The following MS4A5 variants were observed in gnomAD, a reference collection of about 807,000 sequenced individuals.
MS4A5 encodes the protein membrane-spanning 4-domains subfamily A member 5.
A neutral mutation model predicts 18.2 loss-of-function variants in MS4A5; 15 were observed. The ratio of observed to expected loss-of-function variants is 0.83; its 90% CI spans 0.55 to 1.27. The LOEUF (loss-of-function observed/expected upper bound fraction) is 1.27, where lower values mean the gene tolerates loss of function less well. Among genes scored for constraint, MS4A5 ranks in the 50% most tolerant of loss-of-function variants. MS4A5 has a pLI of 0.00. For synonymous variants in MS4A5, 89 were observed against 78.7 expected (o/e 1.13, Z -0.69); for missense variants, 232 against 225.7 (o/e 1.03, Z -0.18).
At chr11:60,445,069 T>G (rs1365284206) in intron 4 of MS4A5, among the ~76,000 whole-genome samples, 2 of 151,946 alleles carry the variant, frequency 1.3e-5, no homozygotes, top group East Asian at 3.8e-4. Flanking sequence ...GAATTTCAAT[T>G]TATTATACCG....
At chr11:60,430,154 T>C (rs1022840958) in intron 1 of MS4A5, among the ~76,000 whole-genome samples, 13 of 152,218 alleles carry the variant, frequency 8.5e-5, no homozygotes, top group African/African-American at 2.7e-4. Flanking sequence ...TTGTATATTG[T>C]ATACCTTCCA....
intron 2 of MS4A5, among the ~76,000 whole-genome samples, chr11:60,431,995 A>G (rs575503825): frequency 6.5e-5 from 9 of 137,698 alleles, no homozygotes; most frequent in African/African-American, 2.4e-4. Flanking sequence ...AACTACCAGC[A>G]CATTCACTGC....
At chr11:60,432,170 G>A (rs12270075) in intron 2 of MS4A5, among the ~76,000 whole-genome samples, 49,298 of 151,934 alleles carry the variant, frequency 0.32, 8,443 homozygotes, top group Middle Eastern at 0.51. Flanking sequence ...AGCCCTGTAC[G>A]GTTAAAAAAA....
intron 1 of MS4A5, among the ~76,000 whole-genome samples, chr11:60,430,253 G>T (rs1319054394): frequency 1.2e-5 from 1 of 84,650 alleles, no homozygotes; most frequent in African/African-American, 3.4e-5. Context: ...GCTCAGAGAG[G>T]GAGAGAAAAA....
At chr11:60,442,672 A>G (rs1056388297) in intron 4 of MS4A5, among the ~76,000 whole-genome samples, 1 of 152,208 alleles carries the variant, frequency 6.6e-6, no homozygotes, top group African/African-American at 2.4e-5. Flanking sequence ...AAAAAAGAAT[A>G]CAATATACTG....
intron 2 of MS4A5, among the ~76,000 whole-genome samples, chr11:60,431,921 T>G (rs1379103620): frequency 6.6e-6 from 1 of 152,138 alleles, no homozygotes; most frequent in Non-Finnish European, 1.5e-5. Flanking sequence ...GATTTGAAAT[T>G]TCCACTAGAC....
Position 60,429,959 on chromosome 11 carries a change from G to C in MS4A5, c.153+132G>C, listed in dbSNP as rs184645360. The stretch of plus-strand genomic sequence containing the variant: ...TAAGACAATGTGAATATAGAGTGTT[G>C]GTGGGCCATTTGAGAGAGGATGTTT... On this transcript the variant is annotated intron_variant, in intron 1 of 4. Transcript: ENST00000300190. 191 of 857,692 alleles carry C rather than the reference G, an allele frequency of 2.2e-4. No individual in the cohort carries two copies. The African/African-American group carries it at 3.1e-3, about 14-fold the overall frequency. 53.1% of individuals were successfully genotyped at this position (857,692 alleles called of 1,614,324 possible).
intron 4 of MS4A5, among the ~76,000 whole-genome samples, chr11:60,440,557 A>G (rs1220423629): frequency 5.6e-5 from 8 of 142,316 alleles, no homozygotes; most frequent in African/African-American, 1.0e-4. Context: ...TAGAATCTAC[A>G]ATGAACTCAA....
chr11:60,442,491 G>C (rs890528546), intron 4 of MS4A5, among the ~76,000 whole-genome samples: 15 of 152,198 alleles, frequency 9.9e-5, no homozygotes, highest in African/African-American at 1.7e-4. Flanking sequence ...GGCCTGTTGG[G>C]GGGTAGTGGG....
intron 2 of MS4A5, among the ~76,000 whole-genome samples, chr11:60,431,159 T>C (rs1362690129): frequency 2.0e-5 from 3 of 152,250 alleles, no homozygotes; most frequent in Non-Finnish European, 4.4e-5. Flanking sequence ...TATTTGGCTA[T>C]TCATTCATTT....
rs765268688 is a variant in MS4A5 at position 60,430,876 on chromosome 11, G to T, written c.234G>T (p.Arg78Ser). 2 of 1,613,118 alleles carry T rather than the reference G, an allele frequency of 1.2e-6. No homozygotes were observed. Among genetic ancestry groups the T allele is most frequent in the African/African-American group, 1.3e-5 (1 of 74,844 alleles). ...TCACCTTGTTAAAACCATATCCAAGGTTTCCCTTTATATTTCTTTCAGGAT... is the reference window on the plus strand; with the variant it reads ...TCACCTTGTTAAAACCATATCCAAGTTTTCCCTTTATATTTCTTTCAGGAT... ...FLFTLLKPYP[R>S]FPFIFLSGYP... The change falls in exon 2 of 5, where the codon AGG (arginine) becomes AGT (serine). Residue 78 changes from arginine (R) to serine (S), a missense_variant. Transcript: ENST00000300190.
intron 4 of MS4A5, among the ~76,000 whole-genome samples, chr11:60,447,037 C>T (rs756219181): frequency 1.7e-4 from 26 of 152,004 alleles, no homozygotes; most frequent in Non-Finnish European, 3.2e-4. Context: ...CTATGCTATG[C>T]TATGCTATGC....
chr11:60,443,583 G>A (rs983110258), intron 4 of MS4A5, among the ~76,000 whole-genome samples: 12 of 151,484 alleles, frequency 7.9e-5, no homozygotes, highest in African/African-American at 2.9e-4. Context: ...TAAATTTAAA[G>A]AAAATGAAAG....
rs531966141 is a variant in MS4A5, at chr11:60,438,025, A to G, written c.492+4108A>G. Among the ~76,000 whole-genome samples, 9 of 152,300 alleles carry G rather than the reference A, an allele frequency of 5.9e-5. No individual in the cohort carries two copies. The South Asian group carries it at 1.9e-3, about 32-fold the overall frequency. ...CAAAATTGACCACATATTGGGAAGT[A>G]AAGCTCTCCTCAGCAAATGTAAAAG... On this transcript the variant is annotated intron_variant, in intron 4 of 4. Coordinates refer to ENST00000300190, the MANE Select transcript of MS4A5 (RefSeq NM_023945.3).
chr11:60,431,930 A>G (rs2086050442), intron 2 of MS4A5, among the ~76,000 whole-genome samples: 2 of 152,104 alleles, frequency 1.3e-5, no homozygotes, highest in African/African-American at 4.8e-5. Flanking sequence ...TTTCCACTAG[A>G]CAACAATGCT....
Position 60,430,882 on chromosome 11 carries a change from C to G in MS4A5, c.240C>G (p.Pro80=), listed in dbSNP as rs1353898729. The G allele has an allele frequency of 5.0e-6, 8 of 1,613,088 alleles. No individual in the cohort carries two copies. The highest frequency in any genetic ancestry group is 5.9e-6 in the Non-Finnish European group (7 of 1,179,818). The part of the protein sequence containing the change: ...FTLLKPYPRF[P]FIFLSGYPFW... ...TGTTAAAACCATATCCAAGGTTTCC[C>G]TTTATATTTCTTTCAGGATATCCAT... Residue 80 remains proline, a synonymous_variant, in exon 2 of 5, where the codon CCC becomes CCG. Coordinates refer to ENST00000300190, the MANE Select transcript of MS4A5 (RefSeq NM_023945.3).
chr11:60,434,039 T>A (rs755256332), intron 4 of MS4A5, 122 bp downstream of exon 4: 43 of 876,378 alleles, frequency 4.9e-5, no homozygotes, highest in Non-Finnish European at 7.6e-5. Context: ...CTGACAAACA[T>A]TTATGAAATC....
At chr11:60,434,391 A>T (rs1025801988) in intron 4 of MS4A5, among the ~76,000 whole-genome samples, 1 of 152,232 alleles carries the variant, frequency 6.6e-6, no homozygotes, top group Non-Finnish European at 1.5e-5. Context: ...TTTGATCCAC[A>T]TGGAGAGAAA....
chr11:60,433,826 T>C lies in MS4A5; in HGVS notation c.401T>C (p.Leu134Pro). ...SALGAIAGII[L>P]LTFGFILDQN... ...CTGGGAGCAATAGCTGGAATCATTC[T>C]CCTCACATTTGGTTTCATCCTAGAT... The change falls in exon 4 of 5, where the codon CTC becomes CCC. Residue 134 changes from leucine (L) to proline (P), a missense_variant. Physicochemically the swap from Leu to Pro is moderately conservative, Grantham distance 98. Coordinates refer to ENST00000300190, the MANE Select transcript of MS4A5 (RefSeq NM_023945.3). 1.2e-6 allele frequency: 2 copies of C among 1,613,982 alleles called. No homozygotes were observed. The highest frequency in any genetic ancestry group is 1.7e-6 in the Non-Finnish European group (2 of 1,179,832).
Sources: gnomAD v4.1 joint callset for allele counts (sites outside exome capture counted in the v4.1 genomes callset) on GRCh38, gnomAD v4.1.1 for gene constraint, MANE v1.5 for transcripts, NCBI Gene and HGNC (gene_info 2026-07-23, HGNC 2026-07-21) for gene names.